CALCR: variants seen among roughly 807,000 people sequenced by gnomAD.
CALCR encodes calcitonin receptor.
Under a neutral mutation model 59.5 loss-of-function variants are expected in CALCR, and 47 were observed. That is an observed-to-expected ratio of 0.79 (90% CI 0.63 to 1.01). CALCR has a LOEUF of 1.01. CALCR is among the 50% of genes least tolerant of loss of function. The pLI is 0.00. For missense variants in CALCR, 566 were observed against 597.1 expected (o/e 0.95, Z 0.54); for synonymous variants, 213 against 211.3 (o/e 1.01, Z -0.07).
chr7:93,458,931 A>C (rs1490199775), intron 8 of CALCR, among the ~76,000 whole-genome samples: 2 of 152,178 alleles, frequency 1.3e-5, no homozygotes, highest in Non-Finnish European at 2.9e-5. Flanking sequence ...AACTATTTTG[A>C]ATCATTCAAT....
intron 2 of CALCR, among the ~76,000 whole-genome samples, chr7:93,523,185 A>T (rs925109287): frequency 6.6e-6 from 1 of 152,122 alleles, no homozygotes; most frequent in African/African-American, 2.4e-5. Context: ...ATCTAGAAAA[A>T]TTGCTTTGAA....
chr7:93,428,575 C>T (rs530611640), intron 13 of CALCR, among the ~76,000 whole-genome samples: 2 of 152,078 alleles, frequency 1.3e-5, no homozygotes, highest in African/African-American at 4.8e-5. Flanking sequence ...CCGAGGCGGG[C>T]AGATCATGAG....
intron 6 of CALCR, among the ~76,000 whole-genome samples, chr7:93,471,662 A>T (rs1230931902): frequency 6.6e-6 from 1 of 151,746 alleles, no homozygotes; most frequent in African/African-American, 2.4e-5. Context: ...CTAAACATTG[A>T]CCAACTGTAA....
intron 2 of CALCR, among the ~76,000 whole-genome samples, chr7:93,502,119 G>A (rs1336213936): frequency 6.6e-6 from 1 of 151,988 alleles, no homozygotes; most frequent in East Asian, 1.9e-4. Context: ...CTCCTTTTTT[G>A]AAGAGGGGTT....
intron 2 of CALCR, among the ~76,000 whole-genome samples, chr7:93,525,888 T>C (rs1339561612): frequency 6.6e-6 from 1 of 152,184 alleles, no homozygotes; most frequent in Non-Finnish European, 1.5e-5. Flanking sequence ...GGAGGAGGCA[T>C]GGGAATCATT....
chr7:93,464,724 C>T (rs571519255), intron 7 of CALCR, among the ~76,000 whole-genome samples: 99 of 151,974 alleles, frequency 6.5e-4, no homozygotes, highest in African/African-American at 2.3e-3. Context: ...CAACAGTTAT[C>T]TTTGGTGTCT....
intron 2 of CALCR, among the ~76,000 whole-genome samples, chr7:93,531,056 G>C (rs1788820966): frequency 6.6e-6 from 1 of 151,856 alleles, no homozygotes; most frequent in South Asian, 2.1e-4. Context: ...GGAGGTGCCT[G>C]GGGAAAAGGC....
intron 2 of CALCR, among the ~76,000 whole-genome samples, chr7:93,491,875 A>G (rs545709731): frequency 7.2e-5 from 11 of 151,890 alleles, no homozygotes; most frequent in Non-Finnish European, 1.5e-4. Context: ...CAGAAATACC[A>G]TTTGACCCAG....
intron 2 of CALCR, among the ~76,000 whole-genome samples, chr7:93,506,504 G>A (rs1410379166): frequency 1.3e-5 from 2 of 152,058 alleles, no homozygotes. Context: ...CAAGCAAAAA[G>A]CAACAATCTC....
rs1452082943 is a variant in CALCR at position 93,426,157 on chromosome 7, G to A, written c.*199C>T. On this transcript the variant is annotated 3_prime_UTR_variant, in exon 14 of 14. Coordinates refer to ENST00000426151, the MANE Select transcript of CALCR (RefSeq NM_001742.4). ...TGATGGAGTTCACAAGTTGCAGTGG[G>A]AGACTCCATTCCTAGACTGTCTCCC... 4 of 527,264 alleles carry A rather than the reference G, an allele frequency of 7.6e-6. No individual in the cohort carries two copies. In the East Asian group the frequency reaches 1.2e-4, roughly 16 times the overall value. The allele number at this position is 527,264 out of a possible 1,614,324, so 32.7% of individuals were successfully genotyped here.
intron 2 of CALCR, among the ~76,000 whole-genome samples, chr7:93,519,072 G>A (rs1801704755): frequency 6.6e-6 from 1 of 151,854 alleles, no homozygotes; most frequent in Non-Finnish European, 1.5e-5. Context: ...TATTAACACT[G>A]CTGTATATAA....
chr7:93,501,784 A>T (rs1339918749), intron 2 of CALCR, among the ~76,000 whole-genome samples: 2 of 152,094 alleles, frequency 1.3e-5, no homozygotes, highest in African/African-American at 4.8e-5. Flanking sequence ...AGTTGACTAA[A>T]TTAATCTGAG....
At chr7:93,466,299 GA>G (rs956160925) in intron 7 of CALCR, among the ~76,000 whole-genome samples, 16 of 151,624 alleles carry the variant, frequency 1.1e-4, no homozygotes, top group African/African-American at 3.9e-4. Flanking sequence ...AAAAATTCTG[GA>G]AAAAATTTGC....
intron 2 of CALCR, among the ~76,000 whole-genome samples, chr7:93,562,239 C>T (rs922274337): frequency 6.6e-6 from 1 of 151,734 alleles, no homozygotes; most frequent in Non-Finnish European, 1.5e-5. Context: ...GATAAAGTAC[C>T]TAGTTTTCAG....
intron 2 of CALCR, among the ~76,000 whole-genome samples, chr7:93,520,413 C>T (rs1020039770): frequency 6.6e-6 from 1 of 152,036 alleles, no homozygotes. Flanking sequence ...ACTTATACCA[C>T]GATTTAATCA....
chr7:93,439,113 T>G (rs1361737962), intron 9 of CALCR, among the ~76,000 whole-genome samples: 1 of 151,944 alleles, frequency 6.6e-6, no homozygotes, highest in African/African-American at 2.4e-5. Flanking sequence ...TAGAAAGAGG[T>G]TTTGTTATTG....
chr7:93,519,633 A>G (rs912870982), intron 2 of CALCR, among the ~76,000 whole-genome samples: 32 of 152,102 alleles, frequency 2.1e-4, no homozygotes, highest in Non-Finnish European at 4.4e-4. Context: ...CTGTTATAAT[A>G]TAGTCTGTGA....
At chr7:93,435,819 T>TA (rs1799762840) in intron 12 of CALCR, 133 bp downstream of exon 12, 4 of 250,988 alleles carry the variant, frequency 1.6e-5, no homozygotes, top group African/African-American at 7.9e-5. Flanking sequence ...AAAAATAAAA[T>TA]AAAATAATAA....
At chr7:93,459,090 C>T (rs1180611627) in intron 8 of CALCR, among the ~76,000 whole-genome samples, 16 of 152,182 alleles carry the variant, frequency 1.1e-4, no homozygotes, top group Middle Eastern at 6.8e-3. Context: ...ATAATAGAGG[C>T]TGCAATTATA....
Sources: gnomAD v4.1 joint callset for allele counts (sites outside exome capture counted in the v4.1 genomes callset) on GRCh38, gnomAD v4.1.1 for gene constraint, MANE v1.5 for transcripts, NCBI Gene and HGNC (gene_info 2026-07-23, HGNC 2026-07-21) for gene names.